GRIK2: variants seen among roughly 807,000 people sequenced by gnomAD.
The protein encoded by GRIK2 is glutamate receptor ionotropic, kainate 2.
In GRIK2, 32 loss-of-function variants were observed where a neutral mutation model predicts 100.3. The ratio of observed to expected loss-of-function variants is 0.32; its 90% CI spans 0.24 to 0.43. The LOEUF (loss-of-function observed/expected upper bound fraction) is 0.43. Ranked by LOEUF, GRIK2 falls within the 20% of genes least tolerant of loss-of-function variation. GRIK2 has a pLI of 1.00. For synonymous variants in GRIK2, 417 were observed against 389.4 expected (o/e 1.07, Z -0.83); for missense variants, 843 against 1,114.9 (o/e 0.76, Z 3.47).
At chr6:102,039,713 C>T (rs1424978204) in intron 15 of GRIK2, among the ~76,000 whole-genome samples, 1 of 151,498 alleles carries the variant, frequency 6.6e-6, no homozygotes, top group Non-Finnish European at 1.5e-5. Context: ...GAGGACTAGG[C>T]AGACTCAGCA....
chr6:101,449,105 G>T (rs1471319138), intron 2 of GRIK2, among the ~76,000 whole-genome samples: 10 of 151,402 alleles, frequency 6.6e-5, no homozygotes, highest in Non-Finnish European at 1.3e-4. Context: ...GACATGAAGA[G>T]AAATAATTCA....
intron 2 of GRIK2, among the ~76,000 whole-genome samples, chr6:101,540,434 G>A (rs955887230): frequency 6.6e-6 from 1 of 151,794 alleles, no homozygotes; most frequent in African/African-American, 2.4e-5. Context: ...AAATGATTGA[G>A]GAAATGGATA....
At chr6:101,666,860 A>G (rs995422617) in intron 4 of GRIK2, among the ~76,000 whole-genome samples, 1 of 152,156 alleles carries the variant, frequency 6.6e-6, no homozygotes, top group South Asian at 2.1e-4. Flanking sequence ...GTTGAGACAC[A>G]TATATACCAT....
At chr6:101,535,487 G>A (rs937005967) in intron 2 of GRIK2, among the ~76,000 whole-genome samples, 5 of 151,686 alleles carry the variant, frequency 3.3e-5, no homozygotes, top group African/African-American at 1.2e-4. Flanking sequence ...TCACAGGTTG[G>A]CTTTGTTTGG....
intron 16 of GRIK2, chr6:102,066,056 G>A: frequency 4.7e-6 from 2 of 424,152 alleles, no homozygotes; most frequent in Non-Finnish European, 8.1e-6. Flanking sequence ...CATAATGCAT[G>A]GCAATGACTC....
chr6:101,427,734 AGG>A (rs879922101), intron 2 of GRIK2, among the ~76,000 whole-genome samples: 6 of 152,206 alleles, frequency 3.9e-5, no homozygotes, highest in Non-Finnish European at 8.8e-5. Context: ...TGATTCATTT[AGG>A]TGAATTGGTC....
chr6:101,878,663 C>A lies in GRIK2; in HGVS notation c.1525-10977C>A, dbSNP rs573495550. 9.9e-5 allele frequency among the ~76,000 whole-genome samples: 15 copies of A among 152,092 alleles called. No homozygotes were observed. In the East Asian group the frequency reaches 2.9e-3, roughly 30 times the overall value. ...TTGACTTTCTGACTTATCACGCTTT[C>A]TCTTACAAGTCATTCGTTATCGTCT... On this transcript the variant is annotated intron_variant, in intron 11 of 16. Coordinates refer to ENST00000369134, the MANE Select transcript of GRIK2 (RefSeq NM_021956.5).
At chr6:101,633,906 G>A (rs980386386) in intron 4 of GRIK2, among the ~76,000 whole-genome samples, 11 of 152,018 alleles carry the variant, frequency 7.2e-5, no homozygotes, top group African/African-American at 2.7e-4. Flanking sequence ...GATAGATCTG[G>A]GTTTTGAAAC....
At chr6:101,603,072 T>A (rs1362668230) in intron 2 of GRIK2, among the ~76,000 whole-genome samples, 1 of 151,722 alleles carries the variant, frequency 6.6e-6, no homozygotes, top group African/African-American at 2.4e-5. Context: ...TATTTTAATA[T>A]ATAATCTTCC....
chr6:101,607,270 T>C lies in GRIK2; in HGVS notation c.116-14679T>C, dbSNP rs146913840. Reference sequence around the variant, plus strand: ...GTGTGAAGCGTTATATGGGTTCATTTTGACAGGATTGGACGAGGCACAATG... The same window carrying C: ...GTGTGAAGCGTTATATGGGTTCATTCTGACAGGATTGGACGAGGCACAATG... On this transcript the variant is annotated intron_variant, in intron 2 of 16. Coordinates refer to ENST00000369134, the MANE Select transcript of GRIK2 (RefSeq NM_021956.5). 4.5e-3 allele frequency among the ~76,000 whole-genome samples: 685 copies of C among 152,126 alleles called. 6 individuals carry two copies. Among genetic ancestry groups the C allele is most frequent in the African/African-American group, 0.016 (656 of 41,540 alleles).
At chr6:101,801,790 ATC>A (rs1471872433) in intron 8 of GRIK2, among the ~76,000 whole-genome samples, 1 of 151,894 alleles carries the variant, frequency 6.6e-6, no homozygotes, top group Non-Finnish European at 1.5e-5. Context: ...CATGAAGTAT[ATC>A]TTGATATGAA....
Position 101,818,463 on chromosome 6 carries a change from T to G in GRIK2, c.1297T>G (p.Leu433Val). 1 of 1,595,732 alleles carries G rather than the reference T, an allele frequency of 6.3e-7. No individual in the cohort carries two copies. The highest frequency in any genetic ancestry group is 8.6e-7 in the Non-Finnish European group (1 of 1,163,288). Residue 433 changes from leucine to valine, a missense_variant, in exon 10 of 17, where the codon TTG (leucine) becomes GTG (valine). By Grantham distance (32) the Leu-to-Val change is conservative. Transcript: ENST00000369134. The part of the protein sequence containing the change: ...NITDSLSNRS[L>V]IVTTILEEPY... ...CACAGATTCCTTATCCAATCGTTCT[T>G]TGATTGTTACCACCATTTTGGTAAG...
intron 14 of GRIK2, among the ~76,000 whole-genome samples, chr6:102,021,608 G>C (rs2114366140): frequency 6.6e-6 from 1 of 151,580 alleles, no homozygotes; most frequent in East Asian, 1.9e-4. Context: ...GAGTTTTACT[G>C]TTTGTTCTTT....
At chr6:101,505,875 G>A (rs1211653775) in intron 2 of GRIK2, among the ~76,000 whole-genome samples, 2 of 151,238 alleles carry the variant, frequency 1.3e-5, no homozygotes, top group Non-Finnish European at 2.9e-5. Flanking sequence ...CATAAGAAAC[G>A]TTTTTTTAAA....
At chr6:101,762,521 C>T (rs1037521181) in intron 7 of GRIK2, among the ~76,000 whole-genome samples, 1 of 151,994 alleles carries the variant, frequency 6.6e-6, no homozygotes, top group Non-Finnish European at 1.5e-5. Flanking sequence ...GTGTGAGCCA[C>T]CATCCAGCCC....
At chr6:102,008,134 G>A (rs990330123) in intron 14 of GRIK2, among the ~76,000 whole-genome samples, 5 of 152,110 alleles carry the variant, frequency 3.3e-5, no homozygotes, top group African/African-American at 1.2e-4. Flanking sequence ...ATGGGCAGAT[G>A]TCATGAAGTC....
intron 9 of GRIK2, among the ~76,000 whole-genome samples, chr6:101,803,237 T>C (rs973934303): frequency 6.6e-6 from 1 of 151,860 alleles, no homozygotes; most frequent in Non-Finnish European, 1.5e-5. Flanking sequence ...CAATGAAACA[T>C]GCAGCTTTAT....
intron 12 of GRIK2, among the ~76,000 whole-genome samples, chr6:101,890,749 CT>C (rs1424671945): frequency 3.3e-5 from 5 of 151,716 alleles, no homozygotes; most frequent in Non-Finnish European, 7.4e-5. Context: ...AAACTTTCAA[CT>C]GATAGATTGT....
chr6:101,835,547 T>C (rs1783021992), intron 10 of GRIK2, among the ~76,000 whole-genome samples: 1 of 142,578 alleles, frequency 7.0e-6, no homozygotes, highest in African/African-American at 2.6e-5. Context: ...CTCGGCTCAC[T>C]GCAACTTCCA....
Sources: gnomAD v4.1 joint callset for allele counts (sites outside exome capture counted in the v4.1 genomes callset) on GRCh38, gnomAD v4.1.1 for gene constraint, MANE v1.5 for transcripts, NCBI Gene and HGNC (gene_info 2026-07-23, HGNC 2026-07-21) for gene names.